The following GSE1 variants were observed in gnomAD, a reference collection of about 807,000 sequenced individuals.
GSE1 encodes genetic suppressor element 1.
A neutral mutation model predicts 112.6 loss-of-function variants in GSE1; 32 were observed. The ratio of observed to expected loss-of-function variants is 0.28; its 90% CI spans 0.21 to 0.38. The LOEUF (loss-of-function observed/expected upper bound fraction) is 0.38, where lower values mean the gene tolerates loss of function less well. Ranked by LOEUF, GSE1 falls within the 10% of genes least tolerant of loss-of-function variation. The pLI, the probability that GSE1 is intolerant of heterozygous loss-of-function variation, is 1.00. For missense variants in GSE1, 2,348 were observed against 1,699.2 expected (o/e 1.38, Z -6.71); for synonymous variants, 1,115 against 735.6 (o/e 1.52, Z -8.35).
Position 85,456,592 on chromosome 16 carries a change from G to A in GSE1, c.2464+98949G>A, listed in dbSNP as rs887613034. Among the ~76,000 whole-genome samples, 423 of 120,570 alleles carry A rather than the reference G, an allele frequency of 3.5e-3. 8 individuals are homozygous for A. The highest frequency in any genetic ancestry group is 0.015 in the African/African-American group (397 of 26,132). 79.1% of individuals were successfully genotyped at this position (120,570 alleles called of 152,430 possible). On this transcript the variant is annotated intron_variant, in intron 2 of 2. Transcript: ENST00000637419. ...TCATTTTCCTGCCGTGTGTGTGTGT[G>A]TGTGTGTGTGTGTGTGTGTGTGTGT...
At chr16:85,572,029 A>G (rs574658800) in intron 1 of GSE1, among the ~76,000 whole-genome samples, 14 of 151,734 alleles carry the variant, frequency 9.2e-5, no homozygotes, top group Admixed American at 5.2e-4. Context: ...AACACATAGC[A>G]CACACACACA....
chr16:85,236,483 G>A (rs992729821), intron 1 of GSE1, among the ~76,000 whole-genome samples: 1 of 152,250 alleles, frequency 6.6e-6, no homozygotes, highest in Non-Finnish European at 1.5e-5. Context: ...AGCACATCAT[G>A]TGTGACTCCC....
intron 2 of GSE1, among the ~76,000 whole-genome samples, chr16:85,367,396 TG>T (rs1286656310): frequency 1.3e-5 from 2 of 152,092 alleles, no homozygotes; most frequent in African/African-American, 4.8e-5. Context: ...ATGCTGGGCA[TG>T]GGGGGCATAG....
chr16:85,476,966 A>G (rs1289426593), intron 2 of GSE1, among the ~76,000 whole-genome samples: 1 of 126,926 alleles, frequency 7.9e-6, no homozygotes, highest in Non-Finnish European at 1.6e-5. Flanking sequence ...TGCTTTGTTG[A>G]CCAACTGGAG....
intron 1 of GSE1, among the ~76,000 whole-genome samples, chr16:85,322,507 A>T (rs772396019): frequency 6.6e-6 from 1 of 151,828 alleles, no homozygotes; most frequent in Non-Finnish European, 1.5e-5. Context: ...CCAACAGTGG[A>T]TACTTGCAGG....
At chr16:85,366,758 A>T (rs758218957) in intron 2 of GSE1, among the ~76,000 whole-genome samples, 7 of 152,248 alleles carry the variant, frequency 4.6e-5, no homozygotes, top group Non-Finnish European at 1.0e-4. Flanking sequence ...AAGAGAATTT[A>T]ACTTGGGCAA....
At chr16:85,257,851 A>G (rs1413390420) in intron 1 of GSE1, among the ~76,000 whole-genome samples, 1 of 152,204 alleles carries the variant, frequency 6.6e-6, no homozygotes, top group African/African-American at 2.4e-5. Flanking sequence ...GCTAAGATTG[A>G]GTATCTCCCT....
intron 2 of GSE1, among the ~76,000 whole-genome samples, chr16:85,548,671 T>C (rs956194133): frequency 2.0e-5 from 3 of 152,216 alleles, no homozygotes; most frequent in African/African-American, 7.2e-5. Context: ...GTTGATTCCA[T>C]GTTTTGGCTG....
At chr16:85,580,526 A>G (rs1332964724) in intron 1 of GSE1, among the ~76,000 whole-genome samples, 1 of 152,180 alleles carries the variant, frequency 6.6e-6, no homozygotes, top group Non-Finnish European at 1.5e-5. Flanking sequence ...GTTTAGACCC[A>G]TTTGAGACAT....
At chr16:85,403,518 A>G in intron 2 of GSE1, among the ~76,000 whole-genome samples, 1 of 152,108 alleles carries the variant, frequency 6.6e-6, no homozygotes, top group East Asian at 1.9e-4. Context: ...GGCCGGGCAC[A>G]GTGGCTCACA....
rs1483273245 is a variant in GSE1 at position 85,674,032 on chromosome 16, T to G, written c.*1493T>G. 2 of 152,278 alleles carry G rather than the reference T, an allele frequency of 1.3e-5. No homozygotes were observed. Among genetic ancestry groups the G allele is most frequent in the Non-Finnish European group, 2.9e-5 (2 of 68,074 alleles). 9.4% of individuals were successfully genotyped at this position (152,278 alleles called of 1,614,324 possible). ...CAAAGCAACGGGCGAGTCTTCCTCCTTGTCCTAGTTACTGCCTATGGAGGC... is the reference window on the plus strand; with the variant it reads ...CAAAGCAACGGGCGAGTCTTCCTCCGTGTCCTAGTTACTGCCTATGGAGGC... On this transcript the variant is annotated 3_prime_UTR_variant, in exon 16 of 16. Coordinates refer to ENST00000253458, the MANE Select transcript of GSE1 (RefSeq NM_014615.5).
In GSE1 at chr16:85,627,612, G is replaced by A. The variant is rs11865219; in HGVS notation, c.8-6302G>A. ...CCTGGTCCACCTAGACCCCTGGCTC[G>A]TTTTCGCCTGCTGAGCTGCACATGT... On this transcript the variant is annotated intron_variant, in intron 1 of 15. Transcript: ENST00000253458. 5.9e-3 allele frequency among the ~76,000 whole-genome samples: 899 copies of A among 152,200 alleles called. 8 individuals carry two copies. The highest frequency in any genetic ancestry group is 0.021 in the African/African-American group (864 of 41,490).
chr16:85,493,482 A>C (rs1176089268), intron 2 of GSE1, among the ~76,000 whole-genome samples: 3 of 152,126 alleles, frequency 2.0e-5, no homozygotes, highest in Admixed American at 2.0e-4. Flanking sequence ...GGCCGGGCAC[A>C]GTGGCTCACA....
At chr16:85,323,614 C>T (rs1417956246) in intron 1 of GSE1, among the ~76,000 whole-genome samples, 1 of 152,150 alleles carries the variant, frequency 6.6e-6, no homozygotes, top group Non-Finnish European at 1.5e-5. Context: ...GTGGTGGGAA[C>T]CTGCCAACTC....
chr16:85,284,198 C>T (rs750515062), intron 1 of GSE1, among the ~76,000 whole-genome samples: 12 of 152,246 alleles, frequency 7.9e-5, no homozygotes, highest in Non-Finnish European at 1.6e-4. Context: ...AGAATCTGCC[C>T]GGCGGGTCGT....
At chr16:85,671,998 G>A (rs2053384056) in intron 15 of GSE1, 1 of 210,216 alleles carries the variant, frequency 4.8e-6, no homozygotes, top group African/African-American at 2.3e-5. Flanking sequence ...GCTGAGAAGT[G>A]GACTTTGTTT....
At chr16:85,206,519 C>G (rs1033236603) in intron 1 of GSE1, among the ~76,000 whole-genome samples, 3 of 152,090 alleles carry the variant, frequency 2.0e-5, no homozygotes, top group Non-Finnish European at 4.4e-5. Flanking sequence ...GACACCCCCT[C>G]CCCAGGAACC....
intron 2 of GSE1, among the ~76,000 whole-genome samples, chr16:85,539,784 G>A (rs2044458226): frequency 2.0e-5 from 3 of 152,174 alleles, no homozygotes; most frequent in Admixed American, 6.5e-5. Flanking sequence ...GCGGATGGCT[G>A]CCCTGTCCCC....
chr16:85,424,622 A>C (rs2048925507), intron 2 of GSE1, among the ~76,000 whole-genome samples: 1 of 152,230 alleles, frequency 6.6e-6, no homozygotes, highest in South Asian at 2.1e-4. Flanking sequence ...CACATACTTT[A>C]AAACAATCTA....
Sources: gnomAD v4.1 joint callset for allele counts (sites outside exome capture counted in the v4.1 genomes callset) on GRCh38, gnomAD v4.1.1 for gene constraint, MANE v1.5 for transcripts, NCBI Gene and HGNC (gene_info 2026-07-23, HGNC 2026-07-21) for gene names.